Variants in PACRGL observed in about 807,000 individuals in gnomAD.
The protein encoded by PACRGL is PACRG-like protein.
In PACRGL, 38 loss-of-function variants were observed where a neutral mutation model predicts 34.5. That is an observed-to-expected ratio of 1.10 (90% CI 0.85 to 1.44). The LOEUF (loss-of-function observed/expected upper bound fraction) is 1.44. Among genes scored for constraint, PACRGL ranks in the 40% most tolerant of loss-of-function variants. The probability of loss-of-function intolerance (pLI) is 0.00; values close to 1 mark genes in which losing one functional copy is unlikely to be tolerated. For missense variants in PACRGL, 305 were observed against 281.4 expected, an observed-to-expected ratio of 1.08 and a Z score of -0.60; for synonymous variants, 128 against 100.1, an observed-to-expected ratio of 1.28 and a Z score of -1.66.
At chr4:20,701,775 A>T in intron 1 of PACRGL, 1 of 447,730 alleles carries the variant, frequency 2.2e-6, no homozygotes, top group South Asian at 1.6e-5. Context: ...CAGATACCCA[A>T]ATCCACCCAT....
At chr4:20,723,939 C>T (rs1385246864) in intron 7 of PACRGL, among the ~76,000 whole-genome samples, 1 of 152,154 alleles carries the variant, frequency 6.6e-6, no homozygotes, top group Non-Finnish European at 1.5e-5. Context: ...TCCCCTTCGT[C>T]CCTCACCCCC....
chr4:20,730,054 C>T lies in PACRGL; in HGVS notation c.*2713C>T. ...GGGTGGTAGAATAGTTCACATTTGT[C>T]TGTTGGATTCAGGATCTATTTGACA... On this transcript the variant is annotated 3_prime_UTR_variant, in exon 9 of 9. Transcript: ENST00000503585. 6.3e-7 allele frequency: 1 copy of T among 1,598,788 alleles called. No individual in the cohort carries two copies. The highest frequency in any genetic ancestry group is 8.5e-7 in the Non-Finnish European group (1 of 1,174,512).
intron 3 of PACRGL, among the ~76,000 whole-genome samples, chr4:20,707,006 T>G (rs2149063121): frequency 6.6e-6 from 1 of 152,354 alleles, no homozygotes; most frequent in Middle Eastern, 3.4e-3. Flanking sequence ...ACTACCACTG[T>G]GTGTGACTTA....
chr4:20,734,788 C>CAAAA (rs370525081), downstream of PACRGL: 2 of 919,490 alleles, frequency 2.2e-6, no homozygotes, highest in South Asian at 1.7e-5. Context: ...AAAACAAAAA[C>CAAAA]AAAAAAAACA....
intron 1 of PACRGL, chr4:20,701,405 C>G (rs1732130745): frequency 6.4e-6 from 1 of 156,100 alleles, no homozygotes; most frequent in Admixed American, 6.2e-5. Context: ...TTTAGGTGTT[C>G]GAAGTTAAGT....
the PACRGL span, among the ~76,000 whole-genome samples, chr4:20,765,683 G>A: frequency 1.3e-5 from 2 of 152,120 alleles, no homozygotes; most frequent in African/African-American, 4.8e-5. Flanking sequence ...TCTGCTGGCT[G>A]GTATACTTAT....
chr4:20,709,566 A>G (rs1236582175), intron 4 of PACRGL, 117 bp from the exon 5 acceptor site: 1 of 608,328 alleles, frequency 1.6e-6, no homozygotes, highest in Non-Finnish European at 2.8e-6. Flanking sequence ...TTATAAAGTT[A>G]TGGTATTCCT....
rs752450725 is a variant in PACRGL, at chr4:20,727,347, G to T, written c.*6G>T. The T allele has an allele frequency of 1.2e-6, 2 of 1,608,990 alleles. No individual in the cohort carries two copies. The highest frequency in any genetic ancestry group is 8.5e-7 in the Non-Finnish European group (1 of 1,175,842). On this transcript the variant is annotated 3_prime_UTR_variant, in exon 9 of 9. Coordinates refer to ENST00000503585, the MANE Select transcript of PACRGL (RefSeq NM_001258345.3). ...ACTGCTCCATATGCTGTTGAAGAAG[G>T]GAGCCAACAAAAATTGTTTTTTCTA...
At chr4:20,733,257 A>G (rs542320626), downstream of PACRGL, among the ~76,000 whole-genome samples, 1 of 152,180 alleles carries the variant, frequency 6.6e-6, no homozygotes, top group South Asian at 2.1e-4. Context: ...TTTTTGTTGT[A>G]TTTTTCCTAC....
chr4:20,754,326 A>T (rs1234329205), downstream of PACRGL, among the ~76,000 whole-genome samples: 1 of 152,212 alleles, frequency 6.6e-6, no homozygotes. Context: ...GATAAGACAA[A>T]GCACTTTCCT....
chr4:20,739,366 C>G (rs932557743), intron 8 of PACRGL, among the ~76,000 whole-genome samples: 1 of 152,160 alleles, frequency 6.6e-6, no homozygotes, highest in Non-Finnish European at 1.5e-5. Flanking sequence ...CAGCCAGGTG[C>G]CCCTCTAAGA....
rs2149258517 is a variant in PACRGL, at chr4:20,731,438, T to C, written c.*4097T>C. Reference sequence around the variant, plus strand: ...CAAATAATTCTAAGTAAGCTAACACTGGTTTCTTTGATAACAGGCTACTAC... The same window carrying C: ...CAAATAATTCTAAGTAAGCTAACACCGGTTTCTTTGATAACAGGCTACTAC... On this transcript the variant is annotated 3_prime_UTR_variant, in exon 9 of 9. Coordinates refer to ENST00000503585, the MANE Select transcript of PACRGL (RefSeq NM_001258345.3). 1 of 985,348 alleles carries C rather than the reference T, an allele frequency of 1.0e-6. No individual in the cohort carries two copies. The highest frequency in any genetic ancestry group is 1.2e-6 in the Non-Finnish European group (1 of 829,860). The allele number at this position is 985,348 out of a possible 1,614,324, so 61.0% of individuals were successfully genotyped here.
chr4:20,740,861 A>C (rs1273154691), intron 8 of PACRGL, among the ~76,000 whole-genome samples: 1 of 152,202 alleles, frequency 6.6e-6, no homozygotes, highest in Non-Finnish European at 1.5e-5. Context: ...GCTCAAAATA[A>C]AGGGATGGAG....
At chr4:20,723,479 G>C (rs1245135514) in intron 7 of PACRGL, among the ~76,000 whole-genome samples, 3 of 151,464 alleles carry the variant, frequency 2.0e-5, no homozygotes, top group African/African-American at 7.3e-5. Flanking sequence ...GAAATAAGCA[G>C]CAAGGACATC....
At chr4:20,737,638 C>G (rs1218591051) in intron 8 of PACRGL, among the ~76,000 whole-genome samples, 1 of 152,068 alleles carries the variant, frequency 6.6e-6, no homozygotes, top group Non-Finnish European at 1.5e-5. Context: ...AGTGAGGAGC[C>G]TGGTAGAAGA....
intron 7 of PACRGL, chr4:20,716,213 A>C (rs1166333797): frequency 2.2e-6 from 2 of 898,926 alleles, no homozygotes; most frequent in African/African-American, 3.3e-5. Context: ...ATGGTTTCTT[A>C]CAACACACAA....
downstream of PACRGL, among the ~76,000 whole-genome samples, chr4:20,735,001 G>T (rs576164380): frequency 6.6e-6 from 1 of 152,206 alleles, no homozygotes; most frequent in East Asian, 1.9e-4. Context: ...ACAGCTAGAG[G>T]CTTGAGTATA....
At position 20,729,904 on chromosome 4, in the gene PACRGL, C is replaced by CAAATTTATAACTGA. The variant is rs1260720682; in HGVS notation, c.*2566_*2579dup. 2 of 613,534 alleles carry CAAATTTATAACTGA rather than the reference C, an allele frequency of 3.3e-6. No homozygotes were observed. Among genetic ancestry groups the CAAATTTATAACTGA allele is most frequent in the East Asian group, 3.2e-5 (1 of 30,848 alleles). The allele number at this position is 613,534 out of a possible 1,614,324, so 38.0% of individuals were successfully genotyped here. A position where few individuals can be genotyped will look rare whatever the true frequency, so the allele number is the denominator to read the frequency against. On this transcript the variant is annotated 3_prime_UTR_variant, in exon 9 of 9. Coordinates refer to ENST00000503585, the MANE Select transcript of PACRGL (RefSeq NM_001258345.3). ...ACTCAGTGGCATTATGAAAAGGATGCAAATTTATAACTGAAAGCTCAAATC... is the reference window on the plus strand; with the variant it reads ...ACTCAGTGGCATTATGAAAAGGATGCAAATTTATAACTGAAAATTTATAACTGAAAGCTCAAATC...
chr4:20,701,879 G>C (rs1358188841), intron 1 of PACRGL: 1 of 456,270 alleles, frequency 2.2e-6, no homozygotes, highest in Non-Finnish European at 4.4e-6. Context: ...GTAATTTGTC[G>C]TTAAGGTAAA....
Sources: gnomAD v4.1 joint callset for allele counts (sites outside exome capture counted in the v4.1 genomes callset) on GRCh38, gnomAD v4.1.1 for gene constraint, MANE v1.5 for transcripts, NCBI Gene and HGNC (gene_info 2026-07-23, HGNC 2026-07-21) for gene names.